CACNB2: variants seen among roughly 807,000 people sequenced by gnomAD.
CACNB2 encodes calcium voltage-gated channel auxiliary subunit beta 2.
CACNB2 carries 42 observed loss-of-function variants against 73.3 expected under a neutral mutation model. That is an observed-to-expected ratio of 0.57 (90% CI 0.45 to 0.74). The LOEUF is 0.74. Among genes scored for constraint, CACNB2 ranks in the 30% least tolerant of loss-of-function variants. CACNB2 has a pLI of 0.00. For synonymous variants in CACNB2, 348 were observed against 310.3 expected, an observed-to-expected ratio of 1.12 and a Z score of -1.28; for missense variants, 940 against 853.0, an observed-to-expected ratio of 1.10 and a Z score of -1.27.
At chr10:18,514,611 A>G (rs2051096353) in intron 7 of CACNB2, 4 of 1,499,400 alleles carry the variant, frequency 2.7e-6, no homozygotes, top group Middle Eastern at 1.7e-4. Flanking sequence ...ATTAAATACA[A>G]TCATTTCTGT....
rs186417871 is a variant in CACNB2, at chr10:18,178,766, A to G, written c.213+27791A>G. Among the ~76,000 whole-genome samples the G allele has an allele frequency of 1.3e-3, 204 of 152,334 alleles. 2 individuals carry two copies. The highest frequency in any genetic ancestry group is 4.7e-3 in the African/African-American group (194 of 41,584). On this transcript the variant is annotated intron_variant, in intron 2 of 13. Transcript: ENST00000324631. ...GTTCAATTCTGAAGTTTGTGTTGCC[A>G]TGGGGATGGAGACTGCCAGGAGAGC... is the stretch of plus-strand genomic sequence containing the variant.
chr10:18,363,067 C>T (rs188426439), intron 2 of CACNB2, among the ~76,000 whole-genome samples: 2 of 152,332 alleles, frequency 1.3e-5, no homozygotes, highest in East Asian at 3.9e-4. Flanking sequence ...TGTCTCTCCT[C>T]TCTGTCATAG....
At chr10:18,158,861 G>T (rs1259109217) in intron 2 of CACNB2, among the ~76,000 whole-genome samples, 2 of 152,152 alleles carry the variant, frequency 1.3e-5, no homozygotes, top group Non-Finnish European at 2.9e-5. Flanking sequence ...ATTGCTAAGT[G>T]TATAAATTCT....
chr10:18,521,281 G>A (rs2051854119), intron 9 of CACNB2, among the ~76,000 whole-genome samples: 1 of 152,230 alleles, frequency 6.6e-6, no homozygotes, highest in African/African-American at 2.4e-5. Flanking sequence ...ATCCACACCT[G>A]GAAGAATTTT....
At chr10:18,261,809 C>T (rs1051952976) in intron 2 of CACNB2, among the ~76,000 whole-genome samples, 1 of 152,142 alleles carries the variant, frequency 6.6e-6, no homozygotes, top group Admixed American at 6.6e-5. Context: ...GTTGCAACAG[C>T]TTTATCATCC....
intron 2 of CACNB2, among the ~76,000 whole-genome samples, chr10:18,201,368 G>C: frequency 6.7e-6 from 1 of 150,362 alleles, no homozygotes; most frequent in East Asian, 2.0e-4. Flanking sequence ...TCCGTCTCCT[G>C]GGCTCAAGCA....
chr10:18,500,610 C>T (rs904498284), intron 4 of CACNB2, among the ~76,000 whole-genome samples: 10 of 152,276 alleles, frequency 6.6e-5, no homozygotes, highest in East Asian at 1.9e-4. Flanking sequence ...AGACAAGGAA[C>T]GCAGAGCCTT....
chr10:18,240,707 C>T (rs191883178), intron 2 of CACNB2, among the ~76,000 whole-genome samples: 2 of 152,254 alleles, frequency 1.3e-5, no homozygotes, highest in Non-Finnish European at 2.9e-5. Flanking sequence ...CGATGACCTT[C>T]CTCTCCCTCG....
chr10:18,421,769 T>C (rs983048), intron 3 of CACNB2, among the ~76,000 whole-genome samples: 135,507 of 152,182 alleles, frequency 0.89, 60,681 homozygotes, highest in African/African-American at 0.97. Context: ...AACCTATATA[T>C]CCTAAGGGTA....
chr10:18,162,220 T>C (rs576422696), intron 2 of CACNB2, among the ~76,000 whole-genome samples: 3 of 152,340 alleles, frequency 2.0e-5, no homozygotes, highest in African/African-American at 7.2e-5. Context: ...ATTGAGTTCT[T>C]GAAGTTATTA....
rs1367101468 is a variant in CACNB2 at position 18,349,771 on chromosome 10, C to G, written c.214-52153C>G. Among the ~76,000 whole-genome samples the G allele has an allele frequency of 2.6e-5, 4 of 151,354 alleles. No homozygotes were observed. In the East Asian group the frequency reaches 7.7e-4, roughly 29 times the overall value. ...GGAGACAGAAGATGGTGATGGCTACCCAATAATGTGAATGTATTCAATGCC... is the reference window on the plus strand; with the variant it reads ...GGAGACAGAAGATGGTGATGGCTACGCAATAATGTGAATGTATTCAATGCC... On this transcript the variant is annotated intron_variant, in intron 2 of 13. Transcript: ENST00000324631.
Position 18,306,115 on chromosome 10 carries a change from G to C in CACNB2, c.214-95809G>C, listed in dbSNP as rs148512299. On this transcript the variant is annotated intron_variant, in intron 2 of 13. Coordinates refer to ENST00000324631, the MANE Select transcript of CACNB2 (RefSeq NM_201596.3). ...GGGCCAAAACAGAATTCAGCAAGCA[G>C]GCATTTAATTGTGATCTTGGGAGAG... Among the ~76,000 whole-genome samples, 465 of 152,276 alleles carry C rather than the reference G, an allele frequency of 3.1e-3. 2 individuals are homozygous for C. The highest frequency in any genetic ancestry group is 6.8e-3 in the Middle Eastern group (2 of 294).
At chr10:18,395,380 C>T (rs1033159779) in intron 2 of CACNB2, among the ~76,000 whole-genome samples, 1 of 152,104 alleles carries the variant, frequency 6.6e-6, no homozygotes, top group African/African-American at 2.4e-5. Context: ...CCATCCCTCC[C>T]ACCATCATTT....
At chr10:18,315,485 AC>A (rs1386813775) in intron 2 of CACNB2, among the ~76,000 whole-genome samples, 1 of 105,526 alleles carries the variant, frequency 9.5e-6, no homozygotes, top group Non-Finnish European at 1.8e-5. Context: ...GCAAAAAGAG[AC>A]CTTGTCTCTA....
chr10:18,260,996 T>C, intron 2 of CACNB2: 2 of 1,384,908 alleles, frequency 1.4e-6, no homozygotes, highest in South Asian at 1.5e-5. Flanking sequence ...CTACTTCTTG[T>C]AGATTTTTGC....
At chr10:18,175,594 A>C (rs2033540619) in intron 2 of CACNB2, among the ~76,000 whole-genome samples, 1 of 151,996 alleles carries the variant, frequency 6.6e-6, no homozygotes, top group Non-Finnish European at 1.5e-5. Context: ...CTTCTTGATG[A>C]ATTTTTTTTA....
chr10:18,170,787 G>C (rs547445702), intron 2 of CACNB2, among the ~76,000 whole-genome samples: 2 of 152,334 alleles, frequency 1.3e-5, no homozygotes, highest in East Asian at 3.9e-4. Context: ...TCTTGACAAT[G>C]CTCTTTTAAG....
intron 2 of CACNB2, among the ~76,000 whole-genome samples, chr10:18,296,570 T>G (rs957475035): frequency 6.6e-6 from 1 of 152,188 alleles, no homozygotes; most frequent in Non-Finnish European, 1.5e-5. Context: ...ATATGAATAT[T>G]CACTAGCCAG....
chr10:18,374,821 C>A (rs2042728324), intron 2 of CACNB2, among the ~76,000 whole-genome samples: 2 of 152,126 alleles, frequency 1.3e-5, no homozygotes, highest in Admixed American at 1.3e-4. Context: ...TAGGGTACAG[C>A]CTCCTTCCCA....
Sources: gnomAD v4.1 joint callset for allele counts (sites outside exome capture counted in the v4.1 genomes callset) on GRCh38, gnomAD v4.1.1 for gene constraint, MANE v1.5 for transcripts, NCBI Gene and HGNC (gene_info 2026-07-23, HGNC 2026-07-21) for gene names.